The following RBFOX1 variants were observed in gnomAD, a reference collection of about 807,000 sequenced individuals.
RBFOX1 encodes the protein RNA binding fox-1 homolog 1.
Under a neutral mutation model 57.7 loss-of-function variants are expected in RBFOX1, and 8 were observed. The ratio of observed to expected loss-of-function variants is 0.14; its 90% CI spans 0.08 to 0.25. The LOEUF (loss-of-function observed/expected upper bound fraction) is 0.25, where lower values mean the gene tolerates loss of function less well. RBFOX1 is among the 10% of genes least tolerant of loss of function. The probability of loss-of-function intolerance (pLI) is 1.00; values close to 1 mark genes in which losing one functional copy is unlikely to be tolerated. For synonymous variants in RBFOX1, 326 were observed against 222.4 expected (o/e 1.47, Z -4.15); for missense variants, 611 against 548.5 (o/e 1.11, Z -1.14).
At chr16:6,849,703 A>G (rs2093962934) in intron 3 of RBFOX1, among the ~76,000 whole-genome samples, 1 of 152,008 alleles carries the variant, frequency 6.6e-6, no homozygotes, top group Admixed American at 6.6e-5. Flanking sequence ...AAAAAAACTG[A>G]AAAGTCCATC....
chr16:7,536,649 G>A (rs1448845352), intron 5 of RBFOX1, among the ~76,000 whole-genome samples: 2 of 152,144 alleles, frequency 1.3e-5, no homozygotes, highest in African/African-American at 2.4e-5. Context: ...AAGGTGGGTG[G>A]ATGTCCTGGG....
chr16:5,689,810 A>AT (rs890380694), intron 3 of RBFOX1, among the ~76,000 whole-genome samples: 10 of 151,800 alleles, frequency 6.6e-5, no homozygotes, highest in Non-Finnish European at 1.5e-4. Flanking sequence ...CAGACCAAAA[A>AT]AAAAAAGAAG....
At chr16:6,537,779 T>C (rs893964544) in intron 2 of RBFOX1, among the ~76,000 whole-genome samples, 1 of 152,190 alleles carries the variant, frequency 6.6e-6, no homozygotes, top group East Asian at 1.9e-4. Context: ...GACCACCAAA[T>C]AGTGCTCACT....
intron 4 of RBFOX1, among the ~76,000 whole-genome samples, chr16:7,075,828 C>T (rs1270590671): frequency 6.6e-6 from 1 of 152,086 alleles, no homozygotes; most frequent in African/African-American, 2.4e-5. Flanking sequence ...GATCTGCCTG[C>T]CTCAGCTTCC....
At chr16:5,265,632 T>C (rs886342829) in intron 1 of RBFOX1, among the ~76,000 whole-genome samples, 1 of 152,162 alleles carries the variant, frequency 6.6e-6, no homozygotes, top group Non-Finnish European at 1.5e-5. Context: ...GATGCAGAAG[T>C]GTTTGTTTTT....
chr16:6,483,248 C>T (rs559843954), intron 2 of RBFOX1: 4 of 1,272,072 alleles, frequency 3.1e-6, no homozygotes, highest in Admixed American at 4.3e-5. Context: ...GCCGTGGCCT[C>T]CCTTTGTGCG....
intron 1 of RBFOX1, among the ~76,000 whole-genome samples, chr16:6,162,176 G>A (rs758954976): frequency 1.3e-5 from 2 of 152,160 alleles, no homozygotes; most frequent in Non-Finnish European, 2.9e-5. Flanking sequence ...GGAGTGCAGT[G>A]GTGTCATCTT....
intron 13 of RBFOX1, among the ~76,000 whole-genome samples, chr16:7,674,271 T>C (rs2072561004): frequency 1.3e-5 from 2 of 152,204 alleles, no homozygotes; most frequent in Admixed American, 6.5e-5. Flanking sequence ...TAGGCTGGTA[T>C]TGTCCAATCC....
intron 2 of RBFOX1, among the ~76,000 whole-genome samples, chr16:6,617,401 T>A (rs772489594): frequency 3.3e-5 from 5 of 151,980 alleles, no homozygotes; most frequent in Non-Finnish European, 7.4e-5. Flanking sequence ...CTAGGAATTA[T>A]GACACTCATG....
At chr16:6,676,255 C>T (rs1196570949) in intron 3 of RBFOX1, among the ~76,000 whole-genome samples, 4 of 151,680 alleles carry the variant, frequency 2.6e-5, no homozygotes, top group African/African-American at 4.8e-5. Context: ...ACGGGGAGTT[C>T]GGAGGAAGGC....
chr16:5,763,614 C>A (rs886411304), intron 3 of RBFOX1, among the ~76,000 whole-genome samples: 1 of 152,238 alleles, frequency 6.6e-6, no homozygotes, highest in Non-Finnish European at 1.5e-5. Flanking sequence ...AGGCAATCCG[C>A]CGGCCTCCTG....
intron 3 of RBFOX1, among the ~76,000 whole-genome samples, chr16:7,033,347 C>T (rs964664991): frequency 6.6e-6 from 1 of 152,132 alleles, no homozygotes; most frequent in Non-Finnish European, 1.5e-5. Context: ...TGGTGAAACC[C>T]CGTCTCTACT....
intron 4 of RBFOX1, among the ~76,000 whole-genome samples, chr16:5,971,136 G>A (rs1366434165): frequency 6.6e-6 from 1 of 152,194 alleles, no homozygotes; most frequent in East Asian, 1.9e-4. Flanking sequence ...GTTTATTGAG[G>A]ATCTACTATG....
At chr16:5,622,490 C>T (rs1250586271) in intron 3 of RBFOX1, among the ~76,000 whole-genome samples, 2 of 152,302 alleles carry the variant, frequency 1.3e-5, no homozygotes, top group African/African-American at 4.8e-5. Context: ...GTTAGGTCAT[C>T]GGAGATCTTC....
Position 6,646,071 on chromosome 16 carries a change from G to A in RBFOX1, c.-63-8532G>A, listed in dbSNP as rs80344129. Reference sequence around the variant, plus strand: ...CGGGAAATTGATTGCTTGGTGATGAGTCCACAGCTCAAAATTCATACTTAA... The same window carrying A: ...CGGGAAATTGATTGCTTGGTGATGAATCCACAGCTCAAAATTCATACTTAA... On this transcript the variant is annotated intron_variant, in intron 2 of 15. Coordinates refer to ENST00000550418, the MANE Select transcript of RBFOX1 (RefSeq NM_018723.4). 4.5e-3 allele frequency among the ~76,000 whole-genome samples: 634 copies of A among 142,388 alleles called. 6 individuals carry two copies. The highest frequency in any genetic ancestry group is 0.016 in the African/African-American group (604 of 37,722). The allele number at this position is 142,388 out of a possible 152,430, so 93.4% of individuals were successfully genotyped here.
At chr16:7,606,203 C>A (rs560712200) in intron 9 of RBFOX1, among the ~76,000 whole-genome samples, 102 of 148,992 alleles carry the variant, frequency 6.8e-4, no homozygotes, top group Admixed American at 6.0e-3. Context: ...CTCACTGCAA[C>A]CTCTGCCTCC....
chr16:6,753,063 T>C (rs1000563910), intron 3 of RBFOX1, among the ~76,000 whole-genome samples: 14 of 124,914 alleles, frequency 1.1e-4, no homozygotes, highest in African/African-American at 3.8e-4. Context: ...ATAGTATTAT[T>C]AGGAAGTAAT....
intron 3 of RBFOX1, among the ~76,000 whole-genome samples, chr16:6,964,410 A>G (rs1033976105): frequency 3.3e-5 from 5 of 152,184 alleles, no homozygotes; most frequent in African/African-American, 1.2e-4. Context: ...CCCACACAAT[A>G]TACAACATCA....
chr16:6,132,169 G>A (rs1162998624), intron 1 of RBFOX1, among the ~76,000 whole-genome samples: 2 of 152,198 alleles, frequency 1.3e-5, no homozygotes, highest in African/African-American at 4.8e-5. Context: ...TTCCCCATGG[G>A]TGGTATGTGA....
Sources: allele counts gnomAD v4.1 joint callset (sites outside exome capture counted in the v4.1 genomes callset), GRCh38; gene constraint gnomAD v4.1.1; transcripts MANE v1.5; gene names NCBI Gene and HGNC (gene_info 2026-07-23, HGNC 2026-07-21).